Variants in STXBP6 observed in about 807,000 individuals in gnomAD.
The protein encoded by STXBP6 is syntaxin binding protein 6, also known as syntaxin-binding protein 6.
A neutral mutation model predicts 26.9 loss-of-function variants in STXBP6; 21 were observed. The ratio of observed to expected loss-of-function variants is 0.78; its 90% CI spans 0.55 to 1.12. STXBP6 has a LOEUF of 1.12. Among genes scored for constraint, STXBP6 ranks in the 50% most tolerant of loss-of-function variants. The pLI is 0.00. For missense variants in STXBP6, 232 were observed against 257.9 expected (o/e 0.90, Z 0.69); for synonymous variants, 97 against 92.6 (o/e 1.05, Z -0.27).
intron 1 of STXBP6, among the ~76,000 whole-genome samples, chr14:25,023,577 G>C (rs1364720469): frequency 1.3e-5 from 2 of 152,136 alleles, no homozygotes; most frequent in Non-Finnish European, 2.9e-5. Context: ...GGAAGGCTGA[G>C]GTGAGAGGAT....
At position 24,836,457 on chromosome 14, in the gene STXBP6, G is replaced by A. The variant is rs187203268; in HGVS notation, c.452-17263C>T. 2.6e-5 allele frequency among the ~76,000 whole-genome samples: 4 copies of A among 151,976 alleles called. No individual in the cohort carries two copies. In the East Asian group the frequency reaches 5.8e-4, roughly 22 times the overall value. ...TACTAAATATACAAAAATTAGCCGG[G>A]TGTGGTGGCGGGTGCCTGTAATCCC... is the stretch of plus-strand genomic sequence containing the variant. On this transcript the variant is annotated intron_variant, in intron 4 of 5. Coordinates refer to ENST00000323944, the MANE Select transcript of STXBP6 (RefSeq NM_001394410.1).
intron 2 of STXBP6, among the ~76,000 whole-genome samples, chr14:24,960,107 G>A (rs1484737446): frequency 6.6e-6 from 1 of 152,248 alleles, no homozygotes; most frequent in Non-Finnish European, 1.5e-5. Flanking sequence ...TCTTGCATAT[G>A]TTAGGACACT....
At chr14:25,007,265 C>CG (rs1595303328) in intron 1 of STXBP6, among the ~76,000 whole-genome samples, 1 of 152,178 alleles carries the variant, frequency 6.6e-6, no homozygotes. Flanking sequence ...CATGTGTACA[C>CG]GTAAGGGCTG....
At chr14:24,836,197 T>C (rs1021658746) in intron 4 of STXBP6, among the ~76,000 whole-genome samples, 2 of 152,212 alleles carry the variant, frequency 1.3e-5, no homozygotes, top group African/African-American at 4.8e-5. Flanking sequence ...TGGTAATACT[T>C]GATTCAGTAC....
intron 1 of STXBP6, among the ~76,000 whole-genome samples, chr14:25,014,379 C>T (rs1487053465): frequency 6.6e-6 from 1 of 152,100 alleles, no homozygotes; most frequent in African/African-American, 2.4e-5. Context: ...GCAGGAGAGT[C>T]GCTTGAACCT....
In STXBP6 at chr14:24,933,397, T is replaced by C. The variant is rs565353587; in HGVS notation, c.154+41268A>G. Among the ~76,000 whole-genome samples, 4 of 152,052 alleles carry C rather than the reference T, an allele frequency of 2.6e-5. No individual in the cohort carries two copies. In the East Asian group the frequency reaches 7.8e-4, roughly 29 times the overall value. ...CTGGAAACTTCCTAAAGAGCACATATACATAGAAAGGAGTAGAAGATTTAG... is the reference window on the plus strand; with the variant it reads ...CTGGAAACTTCCTAAAGAGCACATACACATAGAAAGGAGTAGAAGATTTAG... On this transcript the variant is annotated intron_variant, in intron 2 of 5. Coordinates refer to ENST00000323944, the MANE Select transcript of STXBP6 (RefSeq NM_001394410.1).
At chr14:24,929,724 A>G (rs1449524311) in intron 2 of STXBP6, among the ~76,000 whole-genome samples, 1 of 152,244 alleles carries the variant, frequency 6.6e-6, no homozygotes, top group African/African-American at 2.4e-5. Context: ...GTAGTGAAAT[A>G]ATGTTCTACG....
intron 5 of STXBP6, chr14:24,816,789 G>A (rs985254443): frequency 3.3e-5 from 5 of 151,938 alleles, no homozygotes; most frequent in Admixed American, 1.3e-4. Context: ...TTTCCCTTTG[G>A]GTTTGGGAGG....
intron 1 of STXBP6, among the ~76,000 whole-genome samples, chr14:24,976,609 T>C (rs1411990615): frequency 6.6e-6 from 1 of 152,188 alleles, no homozygotes; most frequent in South Asian, 2.1e-4. Flanking sequence ...TCCTACAAGT[T>C]GGCAACAGAA....
chr14:24,828,269 T>A (rs1014140985), intron 4 of STXBP6, among the ~76,000 whole-genome samples: 3 of 152,062 alleles, frequency 2.0e-5, no homozygotes, highest in African/African-American at 7.2e-5. Flanking sequence ...TTAAAGGAGA[T>A]CACTGGGCAA....
chr14:24,979,070 C>T lies in STXBP6; in HGVS notation c.-32-4220G>A, dbSNP rs184211613. 1.5e-4 allele frequency among the ~76,000 whole-genome samples: 23 copies of T among 152,226 alleles called. No homozygotes were observed. In the East Asian group the frequency reaches 3.1e-3, roughly 20 times the overall value. On this transcript the variant is annotated intron_variant, in intron 1 of 5. Coordinates refer to ENST00000323944, the MANE Select transcript of STXBP6 (RefSeq NM_001394410.1). ...AGTTCTAGGGAAGTATAGTCTACAG[C>T]CCTTAAATATTTTTCATGTGAGAAG... is the stretch of plus-strand genomic sequence containing the variant.
intron 2 of STXBP6, among the ~76,000 whole-genome samples, chr14:24,888,344 C>T (rs2070663718): frequency 6.6e-6 from 1 of 152,090 alleles, no homozygotes; most frequent in African/African-American, 2.4e-5. Context: ...AGCAACCCAC[C>T]CAATATACAT....
intron 4 of STXBP6, among the ~76,000 whole-genome samples, chr14:24,850,915 T>C (rs771420120): frequency 6.6e-5 from 10 of 152,128 alleles, no homozygotes; most frequent in Non-Finnish European, 1.3e-4. Context: ...GAATAAATTA[T>C]TTTTTCTTGC....
intron 4 of STXBP6, among the ~76,000 whole-genome samples, chr14:24,830,365 T>G (rs370271222): frequency 6.6e-6 from 1 of 152,158 alleles, no homozygotes; most frequent in East Asian, 1.9e-4. Context: ...AGGTAAGAGA[T>G]AAAGGTGGCC....
At chr14:24,943,045 G>A (rs17185425) in intron 2 of STXBP6, among the ~76,000 whole-genome samples, 24,472 of 152,176 alleles carry the variant, frequency 0.16, 2,746 homozygotes, top group East Asian at 0.37. Context: ...CTCACTCTTC[G>A]GAAGTTGGCT....
At chr14:24,869,199 A>G (rs1461718411) in intron 2 of STXBP6, among the ~76,000 whole-genome samples, 1 of 151,878 alleles carries the variant, frequency 6.6e-6, no homozygotes, top group Non-Finnish European at 1.5e-5. Flanking sequence ...CACCCACCCT[A>G]CTCTCTTTAT....
At chr14:24,993,299 C>G (rs969041090) in intron 1 of STXBP6, among the ~76,000 whole-genome samples, 1 of 152,156 alleles carries the variant, frequency 6.6e-6, no homozygotes, top group African/African-American at 2.4e-5. Context: ...GTAAACAGCA[C>G]CACTATGCAC....
intron 2 of STXBP6, among the ~76,000 whole-genome samples, chr14:24,892,320 G>A (rs1008390980): frequency 3.9e-5 from 6 of 152,014 alleles, no homozygotes; most frequent in African/African-American, 1.4e-4. Flanking sequence ...AATATTCTAG[G>A]TGCAAATTCT....
intron 4 of STXBP6, among the ~76,000 whole-genome samples, chr14:24,850,675 G>T (rs1261800876): frequency 6.6e-6 from 1 of 152,074 alleles, no homozygotes; most frequent in Non-Finnish European, 1.5e-5. Flanking sequence ...ATTTACATCT[G>T]ATATGTCCAG....
Sources: allele counts gnomAD v4.1 joint callset (sites outside exome capture counted in the v4.1 genomes callset), GRCh38; gene constraint gnomAD v4.1.1; transcripts MANE v1.5; gene names NCBI Gene and HGNC (gene_info 2026-07-23, HGNC 2026-07-21).